TAFA4: variants seen among roughly 807,000 people sequenced by gnomAD.
The protein encoded by TAFA4 is chemokine-like protein TAFA-4.
A neutral mutation model predicts 21.1 loss-of-function variants in TAFA4; 20 were observed. The ratio of observed to expected loss-of-function variants is 0.95; its 90% CI spans 0.67 to 1.38. The LOEUF is 1.38. Ranked by LOEUF, TAFA4 falls within the 40% of genes most tolerant of loss-of-function variation. The pLI is 0.00. For missense variants in TAFA4, 211 were observed against 180.9 expected (o/e 1.17, Z -0.95); for synonymous variants, 71 against 67.4 (o/e 1.05, Z -0.26).
At chr3:68,733,963 C>T (rs1168259511) in intron 5 of TAFA4, among the ~76,000 whole-genome samples, 1 of 147,652 alleles carries the variant, frequency 6.8e-6, no homozygotes, top group East Asian at 1.9e-4. Flanking sequence ...AAAAACCCTG[C>T]CCCCATGGAG....
intron 3 of TAFA4, among the ~76,000 whole-genome samples, chr3:68,805,264 A>T (rs1445819934): frequency 6.6e-6 from 1 of 152,210 alleles, no homozygotes; most frequent in East Asian, 1.9e-4. Flanking sequence ...ATACCATCTC[A>T]CACCAGTTAG....
intron 3 of TAFA4, among the ~76,000 whole-genome samples, chr3:68,790,572 T>C (rs1377768121): frequency 6.6e-6 from 1 of 152,210 alleles, no homozygotes; most frequent in Non-Finnish European, 1.5e-5. Context: ...AAATGAGTCA[T>C]GTTATACAGT....
intron 1 of TAFA4, among the ~76,000 whole-genome samples, chr3:68,914,910 A>T (rs899114674): frequency 1.3e-5 from 2 of 152,250 alleles, no homozygotes; most frequent in Non-Finnish European, 2.9e-5. Context: ...AATAAAATTC[A>T]TATTTCAGTA....
At chr3:68,898,403 A>G (rs915004055) in intron 1 of TAFA4, among the ~76,000 whole-genome samples, 2 of 152,250 alleles carry the variant, frequency 1.3e-5, no homozygotes, top group African/African-American at 2.4e-5. Flanking sequence ...CTGTAATCCC[A>G]GCACTTTGGG....
chr3:68,797,288 T>G (rs1355800242), intron 3 of TAFA4, among the ~76,000 whole-genome samples: 1 of 152,068 alleles, frequency 6.6e-6, no homozygotes, highest in South Asian at 2.1e-4. Context: ...AAATGTGGTA[T>G]GTACATACAC....
rs1220418368 is a variant in TAFA4 at position 68,817,117 on chromosome 3, C to G, written c.130+63613G>C. On this transcript the variant is annotated intron_variant, in intron 3 of 5. Coordinates refer to ENST00000295569, the MANE Select transcript of TAFA4 (RefSeq NM_182522.5). ...CATCTTATCCACAGAACTTTCAAAACTGAAGTCAATTCTCTCAAACCCTGC... is the reference window on the plus strand; with the variant it reads ...CATCTTATCCACAGAACTTTCAAAAGTGAAGTCAATTCTCTCAAACCCTGC... Among the ~76,000 whole-genome samples the G allele has an allele frequency of 4.6e-5, 7 of 152,186 alleles. No individual in the cohort carries two copies. In the East Asian group the frequency reaches 5.8e-4, roughly 13 times the overall value.
At chr3:68,874,775 C>A (rs911229320) in intron 3 of TAFA4, among the ~76,000 whole-genome samples, 2 of 139,944 alleles carry the variant, frequency 1.4e-5, no homozygotes, top group Admixed American at 1.5e-4. Flanking sequence ...GTAATACAAC[C>A]CTTTCTTTAC....
chr3:68,734,159 T>C (rs994750529), intron 5 of TAFA4, among the ~76,000 whole-genome samples: 5 of 152,210 alleles, frequency 3.3e-5, no homozygotes, highest in Non-Finnish European at 4.4e-5. Flanking sequence ...ACTTTATGTA[T>C]AGATGGTAAA....
At chr3:68,745,519 CAGAA>C (rs756355251) in intron 4 of TAFA4, among the ~76,000 whole-genome samples, 6 of 152,022 alleles carry the variant, frequency 3.9e-5, no homozygotes, top group Non-Finnish European at 7.4e-5. Flanking sequence ...CAGTTTTATG[CAGAA>C]AGAAAGAAAA....
intron 3 of TAFA4, among the ~76,000 whole-genome samples, chr3:68,850,944 T>G (rs1459534925): frequency 6.6e-6 from 1 of 152,204 alleles, no homozygotes; most frequent in African/African-American, 2.4e-5. Flanking sequence ...AATTTTGTCA[T>G]GAAATCTTTG....
chr3:68,912,261 C>G (rs1228212337), intron 1 of TAFA4, among the ~76,000 whole-genome samples: 2 of 152,142 alleles, frequency 1.3e-5, no homozygotes, highest in Non-Finnish European at 2.9e-5. Flanking sequence ...CCCCCTTCCA[C>G]TTTTACCAGT....
intron 2 of TAFA4, 62 bp from the exon 3 acceptor site, chr3:68,880,907 A>G: frequency 7.3e-7 from 1 of 1,365,984 alleles, no homozygotes; most frequent in Non-Finnish European, 1.0e-6. Flanking sequence ...CCTGGCAAGC[A>G]CCATTCTAGG....
At chr3:68,874,747 A>G (rs1263154823) in intron 3 of TAFA4, among the ~76,000 whole-genome samples, 1 of 151,786 alleles carries the variant, frequency 6.6e-6, no homozygotes, top group Non-Finnish European at 1.5e-5. Flanking sequence ...GAGGAACTGA[A>G]ATTCTTTACT....
intron 3 of TAFA4, among the ~76,000 whole-genome samples, chr3:68,762,204 T>A (rs866654831): frequency 8.8e-5 from 13 of 147,198 alleles, no homozygotes; most frequent in South Asian, 2.2e-4. Flanking sequence ...GGCCTTAATT[T>A]AAAAAAAAAA....
chr3:68,821,325 G>A (rs1704110556), intron 3 of TAFA4, among the ~76,000 whole-genome samples: 1 of 107,532 alleles, frequency 9.3e-6, no homozygotes, highest in African/African-American at 3.5e-5. Flanking sequence ...CAACCTCCCT[G>A]CTTTTTTTTT....
chr3:68,812,049 C>G (rs182091869), intron 3 of TAFA4, among the ~76,000 whole-genome samples: 22 of 152,252 alleles, frequency 1.4e-4, no homozygotes, highest in African/African-American at 5.1e-4. Flanking sequence ...AATTTTCAAC[C>G]CAGAATTTCA....
At chr3:68,874,083 C>T (rs1386139445) in intron 3 of TAFA4, among the ~76,000 whole-genome samples, 1 of 152,068 alleles carries the variant, frequency 6.6e-6, no homozygotes, top group Non-Finnish European at 1.5e-5. Context: ...CAATCCCCAA[C>T]AGCTAAGAAA....
chr3:68,867,470 A>C (rs1485300476), intron 3 of TAFA4, among the ~76,000 whole-genome samples: 6 of 152,138 alleles, frequency 3.9e-5, no homozygotes, highest in African/African-American at 1.4e-4. Flanking sequence ...AGTAATGTGC[A>C]AAAAGAAAAC....
chr3:68,824,045 C>G (rs546254406), intron 3 of TAFA4, among the ~76,000 whole-genome samples: 1 of 152,102 alleles, frequency 6.6e-6, no homozygotes, highest in East Asian at 1.9e-4. Context: ...GAGAAAGAAC[C>G]CCAGTGGTAT....
Sources: gnomAD v4.1 joint callset for allele counts (sites outside exome capture counted in the v4.1 genomes callset) on GRCh38, gnomAD v4.1.1 for gene constraint, MANE v1.5 for transcripts, NCBI Gene and HGNC (gene_info 2026-07-23, HGNC 2026-07-21) for gene names.